The following NFYA variants were observed in gnomAD, a reference collection of about 807,000 sequenced individuals.
NFYA encodes the protein nuclear transcription factor Y subunit alpha.
NFYA carries 28 observed loss-of-function variants against 52.8 expected under a neutral mutation model. The observed-to-expected ratio is 0.53, with a 90% CI of 0.39 to 0.73. NFYA has a LOEUF of 0.73. NFYA is among the 30% of genes least tolerant of loss of function. The pLI, the probability that NFYA is intolerant of heterozygous loss-of-function variation, is 0.00. For missense variants in NFYA, 234 were observed against 427.0 expected (o/e 0.55, Z 3.98); for synonymous variants, 150 against 150.7 (o/e 1.00, Z 0.03).
chr6:41,083,772 G>A (rs989072445), intron 3 of NFYA, among the ~76,000 whole-genome samples: 10 of 152,318 alleles, frequency 6.6e-5, no homozygotes, highest in Admixed American at 2.0e-4. Context: ...GATTTAGCCC[G>A]TGTTTGGTGA....
chr6:41,102,398 CAAT>C lies in NFYA; in HGVS notation c.*4991_*4993del, dbSNP rs1333562591. ...TTCAAAATAAAGTATTCTCTTCTAACAATAACGTATCTCAAGTGTGTATTCAGA... is the reference window on the plus strand; with the variant it reads ...TTCAAAATAAAGTATTCTCTTCTAACAACGTATCTCAAGTGTGTATTCAGA... On this transcript the variant is annotated 3_prime_UTR_variant, in exon 10 of 10. Coordinates refer to ENST00000341376, the MANE Select transcript of NFYA (RefSeq NM_002505.5). 1.3e-5 allele frequency among the ~76,000 whole-genome samples: 2 copies of C among 152,158 alleles called. No homozygotes were observed. The highest frequency in any genetic ancestry group is 4.8e-5 in the African/African-American group (2 of 41,442).
At chr6:41,081,088 G>A (rs1012538173) in intron 3 of NFYA, among the ~76,000 whole-genome samples, 191 bp downstream of exon 3, 1 of 152,302 alleles carries the variant, frequency 6.6e-6, no homozygotes. Flanking sequence ...TAGAGACCCC[G>A]TATCAACTTT....
In NFYA at chr6:41,089,633, G is replaced by A; in HGVS notation, c.364G>A (p.Val122Met). 6.2e-7 allele frequency: 1 copy of A among 1,612,722 alleles called. No individual in the cohort carries two copies. ...GATCCAGGGTGGACAGGCTGTGCAGGTGCAGGGCCAGCAGGGCCAGACCCA... is the reference window on the plus strand; with the variant it reads ...GATCCAGGGTGGACAGGCTGTGCAGATGCAGGGCCAGCAGGGCCAGACCCA... The part of the protein sequence containing the change: ...IQIQGGQAVQ[V>M]QGQQGQTQQI... The change falls in exon 5 of 10, where the codon GTG (valine) becomes ATG (methionine). Residue 122 changes from valine to methionine, a missense_variant. By Grantham distance (21) the Val-to-Met change is conservative. Around this residue, in one of 3 missense-constraint regions of NFYA, gnomAD observed 118 missense variants for 182.4 expected, o/e 0.65. Transcript: ENST00000341376.
At chr6:41,077,876 G>A (rs2114086311) in intron 1 of NFYA, among the ~76,000 whole-genome samples, 1 of 152,276 alleles carries the variant, frequency 6.6e-6, no homozygotes, top group East Asian at 1.9e-4. Context: ...GTTATTTATG[G>A]CTCATAGATT....
Position 41,101,211 on chromosome 6 carries a change from C to T in NFYA, c.*3801C>T, listed in dbSNP as rs1451282829. Reference sequence around the variant, plus strand: ...CGACGGCCGGCACTTGCACTTAAGTCTCCTGGCCTGCGGGAGAGGCGGCCG... The same window carrying T: ...CGACGGCCGGCACTTGCACTTAAGTTTCCTGGCCTGCGGGAGAGGCGGCCG... On this transcript the variant is annotated 3_prime_UTR_variant, in exon 10 of 10. Transcript: ENST00000341376. The T allele has an allele frequency of 6.6e-6, 1 of 152,314 alleles. No individual in the cohort carries two copies. The highest frequency in any genetic ancestry group is 2.4e-5 in the African/African-American group (1 of 41,474). The allele number at this position is 152,314 out of a possible 1,614,324, so 9.4% of individuals were successfully genotyped here.
In NFYA at chr6:41,097,453, C is replaced by G. The variant is rs144914647; in HGVS notation, c.*43C>G. On this transcript the variant is annotated 3_prime_UTR_variant, in exon 10 of 10. Transcript: ENST00000341376. ...GAGCTGATCAAGGTCATGTTTCTCA[C>G]TGTTCCAGGAAATTGATCAACTCTT... The G allele has an allele frequency of 6.3e-7, 1 of 1,597,388 alleles. No homozygotes were observed. Among genetic ancestry groups the G allele is most frequent in the South Asian group, 1.1e-5 (1 of 90,504 alleles).
At chr6:41,092,572 GTCTA>G (rs753222066) in intron 7 of NFYA, among the ~76,000 whole-genome samples, 14 of 151,968 alleles carry the variant, frequency 9.2e-5, no homozygotes, top group African/African-American at 1.5e-4. Context: ...GTAGCACTTG[GTCTA>G]TCTATTTTTG....
In NFYA at chr6:41,091,536, C is replaced by A; in HGVS notation, c.556C>A (p.Pro186Thr). The A allele has an allele frequency of 6.2e-7, 1 of 1,612,856 alleles. No individual in the cohort carries two copies. The highest frequency in any genetic ancestry group is 8.5e-7 in the Non-Finnish European group (1 of 1,179,596). The stretch of plus-strand genomic sequence containing the variant: ...GTTTTGTTTTCTTAAAGTTACAGTC[C>A]CTGTTTCAGGCATGATCACTATCCC... ...DGTILQQVTV[P>T]VSGMITIPAA... is the part of the protein sequence containing the mutation. The change falls in exon 7 of 10, where the codon CCT becomes ACT. Residue 186 changes from proline (P) to threonine (T), a missense_variant. Physicochemically the swap from Pro to Thr is conservative, Grantham distance 38. Transcript: ENST00000341376.
chr6:41,087,199 ATTTG>A (rs1764072816), intron 4 of NFYA, among the ~76,000 whole-genome samples: 1 of 152,236 alleles, frequency 6.6e-6, no homozygotes, highest in East Asian at 1.9e-4. Flanking sequence ...AACCAGATAA[ATTTG>A]TTTACTTATT....
intron 9 of NFYA, among the ~76,000 whole-genome samples, chr6:41,095,190 TTA>T (rs1764314648): frequency 6.6e-6 from 1 of 152,192 alleles, no homozygotes; most frequent in African/African-American, 2.4e-5. Context: ...CCATTTGCAC[TTA>T]GACTGACATC....
chr6:41,082,030 G>A lies in NFYA; in HGVS notation c.162+1133G>A, dbSNP rs12200736. ...AACTCTATTTTTGAGAAATTGGCAA[G>A]ATTTGGGTACCCTACTTTTTCCCTC... On this transcript the variant is annotated intron_variant, in intron 3 of 9. Transcript: ENST00000341376. Among the ~76,000 whole-genome samples the A allele has an allele frequency of 5.9e-3, 898 of 152,316 alleles. 4 individuals carry two copies. Among genetic ancestry groups the A allele is most frequent in the Non-Finnish European group, 9.7e-3 (663 of 68,022 alleles).
chr6:41,083,945 C>T (rs1420496408), intron 3 of NFYA, 101 bp from the exon 4 acceptor site: 1 of 1,190,730 alleles, frequency 8.4e-7, no homozygotes, highest in African/African-American at 1.6e-5. Flanking sequence ...CTACCTTTTC[C>T]TTTTCTAGCA....
intron 4 of NFYA, among the ~76,000 whole-genome samples, chr6:41,085,245 A>T (rs1378768782): frequency 6.6e-6 from 1 of 152,236 alleles, no homozygotes; most frequent in Non-Finnish European, 1.5e-5. Flanking sequence ...AAAAGCATCA[A>T]TAGTAGGGGG....
At chr6:41,084,449 T>A (rs1405981012) in intron 4 of NFYA, among the ~76,000 whole-genome samples, 1 of 152,176 alleles carries the variant, frequency 6.6e-6, no homozygotes, top group Non-Finnish European at 1.5e-5. Context: ...AGAATCTAGT[T>A]TATAGTATAT....
At chr6:41,082,486 CAA>C (rs1418529579) in intron 3 of NFYA, among the ~76,000 whole-genome samples, 1 of 152,082 alleles carries the variant, frequency 6.6e-6, no homozygotes, top group Non-Finnish European at 1.5e-5. Context: ...TTTGGAGTCT[CAA>C]ATCATTTATC....
chr6:41,078,966 A>T, intron 1 of NFYA, 63 bp from the exon 2 acceptor site: 1 of 702,756 alleles, frequency 1.4e-6, no homozygotes, highest in Non-Finnish European at 2.5e-6. Flanking sequence ...TATCCAGGTT[A>T]ATTGTCTGGT....
Position 41,091,241 on chromosome 6 carries a change from A to C in NFYA, c.548-287A>C, listed in dbSNP as rs1764191014. Among the ~76,000 whole-genome samples, 6 of 152,350 alleles carry C rather than the reference A, an allele frequency of 3.9e-5. No homozygotes were observed. The South Asian group carries it at 1.2e-3, about 32-fold the overall frequency. ...AGTAGGTATAGCTGTAGTCAGACTG[A>C]CCTGTAGAAGAGGAGGCCTCCAAAC... On this transcript the variant is annotated intron_variant, in intron 6 of 9. Coordinates refer to ENST00000341376, the MANE Select transcript of NFYA (RefSeq NM_002505.5).
chr6:41,099,210 G>A lies in NFYA; in HGVS notation c.*1800G>A, dbSNP rs997495919. On this transcript the variant is annotated 3_prime_UTR_variant, in exon 10 of 10. Transcript: ENST00000341376. Reference sequence around the variant, plus strand: ...TCACTAGAAACTTCTAGCTCTACAAGAGTTTGGGATATTAATGTTATTCAG... The same window carrying A: ...TCACTAGAAACTTCTAGCTCTACAAAAGTTTGGGATATTAATGTTATTCAG... The A allele has an allele frequency of 3.3e-5, 5 of 152,336 alleles. No homozygotes were observed. The highest frequency in any genetic ancestry group is 2.1e-4 in the South Asian group (1 of 4,828). 9.4% of individuals were successfully genotyped at this position (152,336 alleles called of 1,614,324 possible).
intron 8 of NFYA, among the ~76,000 whole-genome samples, chr6:41,093,554 T>C (rs1214118239): frequency 2.6e-5 from 4 of 151,946 alleles, no homozygotes; most frequent in Non-Finnish European, 5.9e-5. Context: ...CACTGCAACC[T>C]GCACCTTCCA....
Sources: gnomAD v4.1 joint callset for allele counts (sites outside exome capture counted in the v4.1 genomes callset) on GRCh38, gnomAD v4.1.1 for gene constraint, gnomAD v4.1.1 regional missense constraint, MANE v1.5 for transcripts, NCBI Gene and HGNC (gene_info 2026-07-23, HGNC 2026-07-21) for gene names.